KIF26B: variants seen among roughly 807,000 people sequenced by gnomAD.
KIF26B encodes the protein kinesin-like protein KIF26B.
KIF26B carries 63 observed loss-of-function variants against 151.2 expected under a neutral mutation model. The ratio of observed to expected loss-of-function variants is 0.42; its 90% CI spans 0.34 to 0.51. KIF26B has a LOEUF of 0.51. KIF26B is among the 20% of genes least tolerant of loss of function. The pLI is 0.07. For missense variants in KIF26B, 2,813 were observed against 2,913.6 expected (o/e 0.97, Z 0.79); for synonymous variants, 1,357 against 1,262.1 (o/e 1.08, Z -1.59).
intron 10 of KIF26B, among the ~76,000 whole-genome samples, chr1:245,672,194 C>T (rs989367650): frequency 5.3e-5 from 8 of 152,120 alleles, no homozygotes; most frequent in African/African-American, 1.2e-4. Flanking sequence ...TTGGTGGCAT[C>T]GGCGCTTCAC....
At chr1:245,586,609 C>T (rs985463894) in intron 5 of KIF26B, among the ~76,000 whole-genome samples, 7 of 152,098 alleles carry the variant, frequency 4.6e-5, no homozygotes, top group African/African-American at 1.7e-4. Flanking sequence ...ACAGGCCGGG[C>T]GCGGTGGCTC....
In KIF26B at chr1:245,702,296, C is replaced by T. The variant is rs188329895; in HGVS notation, c.6179-162C>T. Among the ~76,000 whole-genome samples, 223 of 152,150 alleles carry T rather than the reference C, an allele frequency of 1.5e-3. 2 individuals are homozygous for T. The highest frequency in any genetic ancestry group is 2.3e-3 in the East Asian group (12 of 5,164). ...GTGTTCCTTTCAACCCAAAAGAGGC[C>T]GAGAATCAGGCAGGAGGGAACTCTG... is the stretch of plus-strand genomic sequence containing the variant. On this transcript the variant is annotated intron_variant, in intron 14 of 14. Transcript: ENST00000407071. This position sits in a 1 kb window ranked among gnomAD's most constrained non-coding sequence, Gnocchi z 4.1.
intron 12 of KIF26B, among the ~76,000 whole-genome samples, chr1:245,691,012 G>A (rs1170881390): frequency 5.3e-5 from 8 of 152,174 alleles, no homozygotes; most frequent in Admixed American, 3.3e-4. Context: ...ACGCAGCCTC[G>A]GTCTTCAAAG....
At chr1:245,403,601 G>A (rs1226715565) in intron 3 of KIF26B, among the ~76,000 whole-genome samples, 1 of 143,440 alleles carries the variant, frequency 7.0e-6, no homozygotes, top group Non-Finnish European at 1.5e-5. Context: ...TGCATGGGGG[G>A]TGTGTGTCTG....
intron 4 of KIF26B, among the ~76,000 whole-genome samples, chr1:245,528,486 G>A (rs1190291710): frequency 1.3e-5 from 2 of 152,156 alleles, no homozygotes; most frequent in African/African-American, 4.8e-5. Context: ...TCTTGTGACT[G>A]TGTACTGGCA....
intron 2 of KIF26B, among the ~76,000 whole-genome samples, chr1:245,314,231 T>C (rs1289718250): frequency 1.3e-5 from 2 of 152,084 alleles, no homozygotes; most frequent in Non-Finnish European, 2.9e-5. Flanking sequence ...GTGGATCGCC[T>C]GAGGTCAGGA....
At chr1:245,566,204 A>G (rs183178531) in intron 5 of KIF26B, among the ~76,000 whole-genome samples, 145 of 152,278 alleles carry the variant, frequency 9.5e-4, no homozygotes, top group African/African-American at 3.2e-3. Flanking sequence ...ATGCCAGATG[A>G]TTTTTGCGTT....
intron 5 of KIF26B, among the ~76,000 whole-genome samples, chr1:245,552,122 GGTGTGTGTGTGTGTGTGTGTGTGT>G (rs55650522): frequency 1.5e-5 from 2 of 131,708 alleles, no homozygotes; most frequent in East Asian, 2.3e-4. Context: ...GAACCAGCAG[GGTGTGTGTGTGTGTGTGTGTGTGT>G]GTGTGTGTGT....
intron 9 of KIF26B, among the ~76,000 whole-genome samples, chr1:245,644,925 CT>C (rs1461719466): frequency 7.2e-5 from 11 of 152,216 alleles, no homozygotes; most frequent in Non-Finnish European, 2.9e-5. Flanking sequence ...CACCCAGCAT[CT>C]GCTTCTGGTG....
intron 2 of KIF26B, among the ~76,000 whole-genome samples, chr1:245,295,107 A>G (rs1671315574): frequency 6.6e-6 from 1 of 152,220 alleles, no homozygotes; most frequent in Non-Finnish European, 1.5e-5. Context: ...ACACCAATCA[A>G]GACATAAATA....
chr1:245,347,330 T>C (rs564664754), intron 2 of KIF26B, among the ~76,000 whole-genome samples: 1 of 152,280 alleles, frequency 6.6e-6, no homozygotes, highest in South Asian at 2.1e-4. Flanking sequence ...TCTTTTTTTT[T>C]AGAGACAGGG....
chr1:245,660,160 T>C (rs1009584732), intron 10 of KIF26B, among the ~76,000 whole-genome samples: 67 of 151,578 alleles, frequency 4.4e-4, no homozygotes, highest in African/African-American at 1.5e-3. Context: ...TCCACATGTC[T>C]AGAATTTGGT....
chr1:245,220,929 G>A (rs887028244), intron 2 of KIF26B, among the ~76,000 whole-genome samples: 1 of 152,038 alleles, frequency 6.6e-6, no homozygotes, highest in Non-Finnish European at 1.5e-5. Flanking sequence ...TTGAAGCCTG[G>A]GAAAGAAGGG....
intron 2 of KIF26B, among the ~76,000 whole-genome samples, chr1:245,232,239 C>A (rs1670013140): frequency 6.6e-6 from 1 of 152,038 alleles, no homozygotes; most frequent in African/African-American, 2.4e-5. Flanking sequence ...ATTTGTAAAG[C>A]AAGAGAAGGG....
At chr1:245,171,278 T>C (rs759697450) in intron 2 of KIF26B, among the ~76,000 whole-genome samples, 1 of 152,210 alleles carries the variant, frequency 6.6e-6, no homozygotes, top group Non-Finnish European at 1.5e-5. Flanking sequence ...GCACGGTGGC[T>C]CACGCCTGTA....
intron 4 of KIF26B, among the ~76,000 whole-genome samples, chr1:245,526,838 T>C (rs1018178485): frequency 6.6e-6 from 1 of 152,210 alleles, no homozygotes; most frequent in Admixed American, 6.5e-5. Context: ...TTTCACACAA[T>C]TGAAATATGG....
chr1:245,397,822 C>T (rs1315422103), intron 3 of KIF26B, among the ~76,000 whole-genome samples: 4 of 152,094 alleles, frequency 2.6e-5, no homozygotes, highest in South Asian at 4.1e-4. Flanking sequence ...AGAATAGGAG[C>T]CAATGAATAG....
rs2044867025 is a variant in KIF26B, at chr1:245,708,315, T to C, written c.*5709T>C. On this transcript the variant is annotated 3_prime_UTR_variant, in exon 15 of 15. Coordinates refer to ENST00000407071, the MANE Select transcript of KIF26B (RefSeq NM_018012.4). ...GGAGCTGGGGGTAATCATTTACAGA[T>C]GAAGAAACTGAAGTCTAGTCATTGA... 2 of 152,168 alleles carry C rather than the reference T, an allele frequency of 1.3e-5. No individual in the cohort carries two copies. Among genetic ancestry groups the C allele is most frequent in the Admixed American group, 6.5e-5 (1 of 15,274 alleles). The allele number at this position is 152,168 out of a possible 1,614,324, so 9.4% of individuals were successfully genotyped here. A position where few individuals can be genotyped will look rare whatever the true frequency, so the allele number is the denominator to read the frequency against.
chr1:245,658,205 C>G (rs1488334989), intron 10 of KIF26B, among the ~76,000 whole-genome samples: 1 of 152,212 alleles, frequency 6.6e-6, no homozygotes, highest in Non-Finnish European at 1.5e-5. Flanking sequence ...TTGATGCGCA[C>G]AGCTACAGGT....
Sources: gnomAD v4.1 joint callset for allele counts (sites outside exome capture counted in the v4.1 genomes callset) on GRCh38, gnomAD v4.1.1 for gene constraint, Gnocchi (gnomAD v3.1) non-coding constraint, MANE v1.5 for transcripts, NCBI Gene and HGNC (gene_info 2026-07-23, HGNC 2026-07-21) for gene names.